Variants in C1QTNF5 observed in about 807,000 individuals in gnomAD.
C1QTNF5 encodes complement C1q tumor necrosis factor-related protein 5.
Under a neutral mutation model 10.9 loss-of-function variants are expected in C1QTNF5, and 5 were observed. That is an observed-to-expected ratio of 0.46 (90% CI 0.24 to 0.97). C1QTNF5 has a LOEUF of 0.97. Among genes scored for constraint, C1QTNF5 ranks in the 50% least tolerant of loss-of-function variants. The pLI is 0.19. For missense variants in C1QTNF5, 281 were observed against 339.4 expected (o/e 0.83, Z 1.35); for synonymous variants, 161 against 156.5 (o/e 1.03, Z -0.22).
At chr11:119,343,776 G>A (rs767902547), upstream of C1QTNF5, 4 of 1,612,844 alleles carry the variant, frequency 2.5e-6, no homozygotes, top group African/African-American at 4.0e-5. Flanking sequence ...GGCAGACAGT[G>A]AGGATGGAGT....
chr11:119,342,488 G>A (rs895309054), upstream of C1QTNF5: 62 of 1,443,582 alleles, frequency 4.3e-5, 1 homozygote, highest in Admixed American at 5.4e-4. Flanking sequence ...AGGCCAGCTG[G>A]CCCCGCCCCC....
chr11:119,344,328 T>C, upstream of C1QTNF5: 3 of 1,613,892 alleles, frequency 1.9e-6, no homozygotes, highest in Non-Finnish European at 2.5e-6. Flanking sequence ...TTGGTGAGGG[T>C]ACTGCTGCAG....
upstream of C1QTNF5, chr11:119,342,897 A>G (rs958347798): frequency 1.8e-5 from 29 of 1,613,076 alleles, no homozygotes; most frequent in Middle Eastern, 1.7e-4. Flanking sequence ...AAGGCCAGGT[A>G]GGTGGCTGAG....
chr11:119,346,615 A>G, the C1QTNF5 span: 2 of 1,229,686 alleles, frequency 1.6e-6, no homozygotes, highest in Non-Finnish European at 2.4e-6. Flanking sequence ...GGCAGCCTCT[A>G]CTACCCGAGG....
the C1QTNF5 span, chr11:119,346,036 G>A: frequency 5.9e-5 from 95 of 1,611,324 alleles, no homozygotes; most frequent in East Asian, 1.6e-4. Flanking sequence ...AGCTGTCCCC[G>A]GGTACTTACG....
chr11:119,343,877 T>C, upstream of C1QTNF5: 4 of 1,613,852 alleles, frequency 2.5e-6, no homozygotes, highest in Non-Finnish European at 3.4e-6. Flanking sequence ...TAGTCAAACT[T>C]GCACTCGTCC....
chr11:119,345,329 C>T (rs1024669047), upstream of C1QTNF5: 54 of 1,337,074 alleles, frequency 4.0e-5, 1 homozygote, highest in Middle Eastern at 4.2e-4. Flanking sequence ...ATTTCTTCCT[C>T]GGTTAGCCCT....
chr11:119,345,685 T>C (rs534397082), upstream of C1QTNF5: 36 of 1,610,768 alleles, frequency 2.2e-5, no homozygotes, highest in African/African-American at 4.5e-4. Context: ...AGGTCCTTTA[T>C]TCTCAAGGTG....
Position 119,339,348 on chromosome 11 carries a change from A to T in C1QTNF5, c.715T>A (p.Ser239Thr). 6.2e-7 allele frequency: 1 copy of T among 1,612,698 alleles called. No individual in the cohort carries two copies. The highest frequency in any genetic ancestry group is 8.5e-7 in the Non-Finnish European group (1 of 1,179,220). Reference sequence around the variant, plus strand: ...AGTGGGCACTAAGCAAAGACTGGGGAGCTGTGCCAGTCGGAGTACACCAGA... The same window carrying T: ...AGTGGGCACTAAGCAAAGACTGGGGTGCTGTGCCAGTCGGAGTACACCAGA... The part of the protein sequence containing the change: ...GFLVYSDWHS[S>T]PVFA The change falls in exon 3 of 3, where the codon TCC (serine) becomes ACC (threonine). Residue 239 changes from serine (S) to threonine (T), a missense_variant. Ser to Thr is a moderately conservative substitution (Grantham distance 58). Transcript: ENST00000528368. The surrounding 1 kb of genome is among the most constrained non-coding windows in gnomAD (Gnocchi z 5.4).
upstream of C1QTNF5, chr11:119,345,693 GTGCC>G (rs1453107323): frequency 6.2e-7 from 1 of 1,611,824 alleles, no homozygotes; most frequent in Non-Finnish European, 8.5e-7. Context: ...TATTCTCAAG[GTGCC>G]TCTTCCTCAC....
upstream of C1QTNF5, chr11:119,342,772 C>G (rs765828336): frequency 1.1e-5 from 18 of 1,613,038 alleles, no homozygotes; most frequent in Non-Finnish European, 1.4e-5. Flanking sequence ...CATACCTACA[C>G]CCCCAGTACC....
upstream of C1QTNF5, chr11:119,345,373 T>C (rs1374835126): frequency 1.2e-5 from 19 of 1,573,812 alleles, no homozygotes; most frequent in Admixed American, 6.7e-5. Flanking sequence ...GCTCTTTAGA[T>C]AGTGGTTCAG....
chr11:119,345,378 G>A (rs200869827), upstream of C1QTNF5: 37 of 1,590,062 alleles, frequency 2.3e-5, no homozygotes, highest in African/African-American at 4.4e-4. Context: ...TTAGATAGTG[G>A]TTCAGGACAC....
Position 119,339,967 on chromosome 11 carries a change from T to C in C1QTNF5, c.215-119A>G. On this transcript the variant is annotated intron_variant, in intron 2 of 2. Coordinates refer to ENST00000528368, the MANE Select transcript of C1QTNF5 (RefSeq NM_001278431.2). This position sits in a 1 kb window ranked among gnomAD's most constrained non-coding sequence, Gnocchi z 5.4. ...TGCCTGAGCTTCGGCCAGCGCCTCC[T>C]CCCGCACGGGTACCTCCTCCACCCC... 7.4e-7 allele frequency: 1 copy of C among 1,348,058 alleles called. No individual in the cohort carries two copies. Among genetic ancestry groups the C allele is most frequent in the Admixed American group, 3.2e-5 (1 of 31,600 alleles). 83.5% of individuals were successfully genotyped at this position (1,348,058 alleles called of 1,614,324 possible).
At chr11:119,343,051 G>A (rs774802971), upstream of C1QTNF5, 7 of 1,560,268 alleles carry the variant, frequency 4.5e-6, no homozygotes, top group Non-Finnish European at 5.2e-6. Flanking sequence ...GGCTGACTGA[G>A]GGGGCACTGC....
chr11:119,343,002 A>T, upstream of C1QTNF5: 1 of 1,601,682 alleles, frequency 6.2e-7, no homozygotes, highest in South Asian at 1.1e-5. Context: ...GCTCCACAGA[A>T]CCTGCCCAAA....
chr11:119,343,086 G>C, upstream of C1QTNF5: 1 of 1,521,092 alleles, frequency 6.6e-7, no homozygotes. Context: ...CTGGCTCTGA[G>C]CTGGGAGCCC....
chr11:119,345,405 G>GA (rs1187016587), upstream of C1QTNF5: 7 of 1,612,606 alleles, frequency 4.3e-6, no homozygotes, highest in African/African-American at 9.3e-5. Flanking sequence ...ATGTCCTGGG[G>GA]ACAGAGGGAC....
chr11:119,344,440 A>T, upstream of C1QTNF5: 3 of 1,583,796 alleles, frequency 1.9e-6, no homozygotes, highest in Non-Finnish European at 2.6e-6. Context: ...CTGTGCCTCC[A>T]TCCAATAGGG....
Sources: gnomAD v4.1 joint callset for allele counts on GRCh38, gnomAD v4.1.1 for gene constraint, Gnocchi (gnomAD v3.1) non-coding constraint, MANE v1.5 for transcripts, NCBI Gene and HGNC (gene_info 2026-07-23, HGNC 2026-07-21) for gene names.